Variants in MAP7 observed in about 807,000 individuals in gnomAD.
The protein encoded by MAP7 is microtubule associated protein 7, also known as ensconsin.
A neutral mutation model predicts 94.8 loss-of-function variants in MAP7; 52 were observed. That is an observed-to-expected ratio of 0.55 (90% CI 0.44 to 0.69). The LOEUF (loss-of-function observed/expected upper bound fraction) is 0.69. Ranked by LOEUF, MAP7 falls within the 30% of genes least tolerant of loss-of-function variation. The pLI is 0.00. For synonymous variants in MAP7, 350 were observed against 357.0 expected (o/e 0.98, Z 0.22); for missense variants, 940 against 964.6 (o/e 0.97, Z 0.34).
intron 1 of MAP7, among the ~76,000 whole-genome samples, chr6:136,549,487 G>GTTGGGAAGCCTTGCTGCTGGTC (rs1367348287): frequency 1.3e-5 from 2 of 152,096 alleles, no homozygotes; most frequent in Non-Finnish European, 2.9e-5. Flanking sequence ...GATGGGCGGG[G>GTTGGGAAGCCTTGCTGCTGGTC]TTGGGAAGCC....
At chr6:136,442,021 C>T (rs531411061) in intron 1 of MAP7, among the ~76,000 whole-genome samples, 2 of 150,630 alleles carry the variant, frequency 1.3e-5, no homozygotes, top group East Asian at 4.0e-4. Context: ...TCAACAACAA[C>T]AACAGTAACA....
intron 3 of MAP7, among the ~76,000 whole-genome samples, chr6:136,408,022 C>T (rs1325630630): frequency 2.6e-5 from 4 of 152,000 alleles, no homozygotes; most frequent in Non-Finnish European, 5.9e-5. Flanking sequence ...CTACTGCCTT[C>T]CGAGTAGCTG....
chr6:136,458,951 T>A (rs941087743), intron 1 of MAP7, among the ~76,000 whole-genome samples: 3 of 151,658 alleles, frequency 2.0e-5, no homozygotes, highest in Non-Finnish European at 4.4e-5. Flanking sequence ...ATCAACAGAG[T>A]AAAAAGGCAA....
chr6:136,444,401 C>T (rs182806962), intron 1 of MAP7, among the ~76,000 whole-genome samples: 17 of 152,302 alleles, frequency 1.1e-4, no homozygotes, highest in Admixed American at 7.2e-4. Flanking sequence ...GTCTTCCAGA[C>T]GCTATTGTTT....
chr6:136,472,554 C>T (rs1229659702), intron 1 of MAP7, among the ~76,000 whole-genome samples: 2 of 152,118 alleles, frequency 1.3e-5, no homozygotes, highest in African/African-American at 4.8e-5. Flanking sequence ...ATATCCCAGG[C>T]TATGAACATT....
intron 1 of MAP7, among the ~76,000 whole-genome samples, chr6:136,548,809 T>C (rs1226468665): frequency 6.6e-6 from 1 of 152,248 alleles, no homozygotes; most frequent in East Asian, 1.9e-4. Context: ...CACATGCAGT[T>C]ACTGGGTCAG....
chr6:136,517,507 G>A (rs928721374), intron 1 of MAP7, among the ~76,000 whole-genome samples: 10 of 152,146 alleles, frequency 6.6e-5, no homozygotes, highest in African/African-American at 2.4e-4. Context: ...CACATAATCA[G>A]CTCCAATTAT....
In MAP7 at chr6:136,347,189, T is replaced by A. The variant is rs190287420; in HGVS notation, c.2016-1110A>T. Among the ~76,000 whole-genome samples, 470 of 152,364 alleles carry A rather than the reference T, an allele frequency of 3.1e-3. 4 individuals carry two copies. Among genetic ancestry groups the A allele is most frequent in the Admixed American group, 7.8e-3 (119 of 15,300 alleles). On this transcript the variant is annotated intron_variant, in intron 16 of 17. Coordinates refer to ENST00000354570, the MANE Select transcript of MAP7 (RefSeq NM_003980.6). The stretch of plus-strand genomic sequence containing the variant: ...ATGAGTGCTAAACTAATTTTACCAT[T>A]CATTTTATTTCATTGCAGCATATAC...
chr6:136,463,339 T>C (rs1805880943), intron 1 of MAP7, among the ~76,000 whole-genome samples: 1 of 152,214 alleles, frequency 6.6e-6, no homozygotes, highest in Admixed American at 6.5e-5. Flanking sequence ...TGTTAGGAAA[T>C]ATTCTCCATA....
At chr6:136,451,512 T>C (rs1270047939) in intron 1 of MAP7, among the ~76,000 whole-genome samples, 2 of 152,230 alleles carry the variant, frequency 1.3e-5, no homozygotes, top group Non-Finnish European at 2.9e-5. Context: ...GACCAGGAGA[T>C]GAATGTTGTT....
At chr6:136,394,410 C>T (rs1781706998) in intron 3 of MAP7, among the ~76,000 whole-genome samples, 1 of 151,490 alleles carries the variant, frequency 6.6e-6, no homozygotes, top group Admixed American at 6.6e-5. Context: ...TAACCAGTTA[C>T]CTATTGATAG....
chr6:136,379,119 G>C (rs1377422031), intron 6 of MAP7, among the ~76,000 whole-genome samples: 1 of 152,122 alleles, frequency 6.6e-6, no homozygotes, highest in Non-Finnish European at 1.5e-5. Context: ...CTGGAGCAGT[G>C]TTCTATATAA....
At chr6:136,470,624 C>A (rs912587065) in intron 1 of MAP7, among the ~76,000 whole-genome samples, 1 of 152,094 alleles carries the variant, frequency 6.6e-6, no homozygotes, top group Non-Finnish European at 1.5e-5. Context: ...TCATTTTCCC[C>A]ACCCTCCTCT....
intron 1 of MAP7, among the ~76,000 whole-genome samples, chr6:136,482,375 G>T (rs75379668): frequency 1.3e-5 from 2 of 151,984 alleles, no homozygotes; most frequent in Non-Finnish European, 2.9e-5. Flanking sequence ...AAGGAGGGTG[G>T]ATCACCTGAG....
chr6:136,351,246 A>C (rs555917550), intron 16 of MAP7, among the ~76,000 whole-genome samples: 48 of 152,052 alleles, frequency 3.2e-4, no homozygotes, highest in Admixed American at 3.1e-3. Flanking sequence ...TAAAAAAAAA[A>C]AAAAAAACGA....
intron 1 of MAP7, among the ~76,000 whole-genome samples, chr6:136,468,213 T>A (rs1807771113): frequency 6.6e-6 from 1 of 152,194 alleles, no homozygotes; most frequent in South Asian, 2.1e-4. Context: ...TTTTTATCCT[T>A]CTTATGGTAC....
intron 1 of MAP7, among the ~76,000 whole-genome samples, chr6:136,509,823 T>C (rs1822713089): frequency 6.6e-6 from 1 of 152,208 alleles, no homozygotes; most frequent in South Asian, 2.1e-4. Context: ...TCCCAAAGCA[T>C]TGGATTACAG....
At chr6:136,514,580 CAAAAAAAAA>C (rs1046225937) in intron 1 of MAP7, among the ~76,000 whole-genome samples, 12 of 49,048 alleles carry the variant, frequency 2.4e-4, no homozygotes, top group African/African-American at 7.1e-4. Context: ...GACTCTGTCT[CAAAAAAAAA>C]AAAAAAAAAA....
chr6:136,363,809 G>T (rs552091047), intron 10 of MAP7, among the ~76,000 whole-genome samples: 21 of 152,168 alleles, frequency 1.4e-4, no homozygotes, highest in Non-Finnish European at 2.5e-4. Flanking sequence ...CACAGGAATA[G>T]CATTGCCAGA....
Sources: allele counts gnomAD v4.1 joint callset (sites outside exome capture counted in the v4.1 genomes callset), GRCh38; gene constraint gnomAD v4.1.1; transcripts MANE v1.5; gene names NCBI Gene and HGNC (gene_info 2026-07-23, HGNC 2026-07-21).